KAZN: variants seen among roughly 807,000 people sequenced by gnomAD.
KAZN encodes kazrin, periplakin interacting protein, also known as kazrin.
KAZN carries 40 observed loss-of-function variants against 87.4 expected under a neutral mutation model. The observed-to-expected ratio is 0.46, with a 90% CI of 0.36 to 0.60. The LOEUF (loss-of-function observed/expected upper bound fraction) is 0.60, where lower values mean the gene tolerates loss of function less well. KAZN is among the 20% of genes least tolerant of loss of function. The probability of loss-of-function intolerance (pLI) is 0.00; values close to 1 mark genes in which losing one functional copy is unlikely to be tolerated. For missense variants in KAZN, 898 were observed against 1,073.9 expected, an observed-to-expected ratio of 0.84 and a Z score of 2.29; for synonymous variants, 466 against 458.3, an observed-to-expected ratio of 1.02 and a Z score of -0.22.
chr1:14,374,513 T>C (rs143619561), intron 2 of KAZN, among the ~76,000 whole-genome samples: 3 of 152,324 alleles, frequency 2.0e-5, no homozygotes, highest in East Asian at 1.9e-4. Flanking sequence ...AACTCACTTA[T>C]TATATCCATT....
intron 1 of KAZN, among the ~76,000 whole-genome samples, chr1:14,666,473 A>T (rs1639557815): frequency 6.6e-6 from 1 of 152,206 alleles, no homozygotes; most frequent in African/African-American, 2.4e-5. Context: ...TGTAATTAAA[A>T]TATTCATTTC....
chr1:14,530,600 T>G (rs988109761), intron 2 of KAZN, among the ~76,000 whole-genome samples: 1 of 151,890 alleles, frequency 6.6e-6, no homozygotes, highest in South Asian at 2.1e-4. Context: ...TTCCGGTTGT[T>G]TAAAGAGCCT....
intron 2 of KAZN, among the ~76,000 whole-genome samples, chr1:14,988,976 G>A (rs1035796103): frequency 1.3e-5 from 2 of 152,176 alleles, no homozygotes; most frequent in South Asian, 2.1e-4. Context: ...TTTGTCCCTC[G>A]TTGTGCCACA....
chr1:13,950,071 C>T (rs1295562463), intron 1 of KAZN, among the ~76,000 whole-genome samples: 1 of 152,234 alleles, frequency 6.6e-6, no homozygotes, highest in Non-Finnish European at 1.5e-5. Context: ...CACATCCCCA[C>T]ACCCCAGGGC....
intron 2 of KAZN, among the ~76,000 whole-genome samples, chr1:14,455,515 C>A (rs1667521181): frequency 6.6e-6 from 1 of 152,052 alleles, no homozygotes; most frequent in African/African-American, 2.4e-5. Flanking sequence ...GCTTTGAGAC[C>A]CCTACCTTAG....
At chr1:14,364,432 C>T (rs1292232943) in intron 2 of KAZN, among the ~76,000 whole-genome samples, 3 of 152,080 alleles carry the variant, frequency 2.0e-5, no homozygotes, top group Non-Finnish European at 4.4e-5. Flanking sequence ...CTGGCACACA[C>T]AATACATTTC....
At chr1:14,834,704 T>G (rs987946003) in intron 1 of KAZN, among the ~76,000 whole-genome samples, 2 of 152,170 alleles carry the variant, frequency 1.3e-5, no homozygotes, top group African/African-American at 4.8e-5. Context: ...CTCGACAAAT[T>G]TGTATCGAGT....
chr1:14,068,471 A>C (rs144761901), intron 1 of KAZN, among the ~76,000 whole-genome samples: 2 of 152,146 alleles, frequency 1.3e-5, no homozygotes, highest in South Asian at 4.1e-4. Flanking sequence ...AAAAGAGTTT[A>C]AAAAAAGTCT....
At chr1:14,880,124 T>G (rs1653182425) in intron 1 of KAZN, among the ~76,000 whole-genome samples, 2 of 152,252 alleles carry the variant, frequency 1.3e-5, no homozygotes, top group South Asian at 4.1e-4. Context: ...ATGCAGGGAC[T>G]GGAGGGAGGA....
intron 1 of KAZN, among the ~76,000 whole-genome samples, chr1:14,761,807 A>T (rs1433100539): frequency 1.3e-5 from 2 of 152,132 alleles, no homozygotes; most frequent in African/African-American, 4.8e-5. Context: ...ACCAAGAGGA[A>T]GGTGCTGTCT....
At chr1:14,834,583 G>A (rs991169050) in intron 1 of KAZN, among the ~76,000 whole-genome samples, 2 of 151,448 alleles carry the variant, frequency 1.3e-5, no homozygotes, top group Non-Finnish European at 2.9e-5. Flanking sequence ...GGATGGTCTC[G>A]ATCTCCTGAC....
intron 2 of KAZN, among the ~76,000 whole-genome samples, chr1:14,547,131 T>C (rs888059711): frequency 3.9e-5 from 6 of 152,220 alleles, no homozygotes; most frequent in Non-Finnish European, 7.3e-5. Flanking sequence ...TCTTCCCCTG[T>C]GAACCAAAAT....
chr1:15,056,407 TG>T lies in KAZN; in HGVS notation c.916+130del. 2.1e-6 allele frequency: 2 copies of T among 943,678 alleles called. No individual in the cohort carries two copies. Among genetic ancestry groups the T allele is most frequent in the Non-Finnish European group, 1.5e-6 (1 of 652,300 alleles). 58.5% of individuals were successfully genotyped at this position (943,678 alleles called of 1,614,324 possible). A position where few individuals can be genotyped will look rare whatever the true frequency, so the allele number is the denominator to read the frequency against. ...GCTTGGGGGCGTGGGACAGAGACCT[TG>T]GGCTCATGTAACTGAAAAATCTAAG... On this transcript the variant is annotated intron_variant, in intron 5 of 14. Coordinates refer to ENST00000376030, the MANE Select transcript of KAZN (RefSeq NM_201628.3). The surrounding 1 kb of genome is among the most constrained non-coding windows in gnomAD (Gnocchi z 5.4).
At chr1:15,005,138 C>A (rs78510548) in intron 2 of KAZN, among the ~76,000 whole-genome samples, 25,558 of 152,094 alleles carry the variant, frequency 0.17, 2,400 homozygotes, top group East Asian at 0.35. Context: ...GGGTCTCAGG[C>A]ACAGAGACCT....
At chr1:14,807,646 G>C (rs1279171277) in intron 1 of KAZN, among the ~76,000 whole-genome samples, 1 of 152,050 alleles carries the variant, frequency 6.6e-6, no homozygotes, top group Admixed American at 6.6e-5. Context: ...GTGTGCACCT[G>C]TGGTCCCAGC....
intron 1 of KAZN, among the ~76,000 whole-genome samples, chr1:14,665,958 A>C (rs1174552737): frequency 1.3e-5 from 2 of 148,596 alleles, no homozygotes; most frequent in African/African-American, 5.0e-5. Flanking sequence ...AAAAAATAAC[A>C]TACAGAAAGG....
Position 15,016,900 on chromosome 1 carries a change from G to A in KAZN, c.419-17849G>A, listed in dbSNP as rs577576892. 9.9e-5 allele frequency among the ~76,000 whole-genome samples: 15 copies of A among 152,252 alleles called. No individual in the cohort carries two copies. In the East Asian group the frequency reaches 2.9e-3, roughly 29 times the overall value. ...TTCTGTTTGTTTACTTCTCAGCACTGACCTCAGTGTGTATTTAAATAATTG... is the reference window on the plus strand; with the variant it reads ...TTCTGTTTGTTTACTTCTCAGCACTAACCTCAGTGTGTATTTAAATAATTG... On this transcript the variant is annotated intron_variant, in intron 2 of 14. Coordinates refer to ENST00000376030, the MANE Select transcript of KAZN (RefSeq NM_201628.3).
At chr1:14,386,713 G>T (rs1661930635) in intron 2 of KAZN, among the ~76,000 whole-genome samples, 1 of 152,050 alleles carries the variant, frequency 6.6e-6, no homozygotes, top group African/African-American at 2.4e-5. Flanking sequence ...CCCTTTGAGG[G>T]TAACATGACC....
chr1:14,418,863 G>A (rs1038529689), intron 2 of KAZN, among the ~76,000 whole-genome samples: 5 of 152,168 alleles, frequency 3.3e-5, no homozygotes, highest in African/African-American at 7.2e-5. Flanking sequence ...CAGTACACTT[G>A]TGTGTGTGCA....
Sources: allele counts gnomAD v4.1 joint callset (sites outside exome capture counted in the v4.1 genomes callset), GRCh38; gene constraint gnomAD v4.1.1; non-coding constraint Gnocchi (gnomAD v3.1); transcripts MANE v1.5; gene names NCBI Gene and HGNC (gene_info 2026-07-23, HGNC 2026-07-21).